The following ELFN1 variants were observed in gnomAD, a reference collection of about 807,000 sequenced individuals.
ELFN1 encodes protein ELFN1.
A neutral mutation model predicts 7.6 loss-of-function variants in ELFN1; 6 were observed. The observed-to-expected ratio is 0.79, with a 90% CI of 0.43 to 1.56. The LOEUF is 1.56. Among genes scored for constraint, ELFN1 ranks in the 40% most tolerant of loss-of-function variants. The probability of loss-of-function intolerance (pLI) is 0.01; values close to 1 mark genes in which losing one functional copy is unlikely to be tolerated. For synonymous variants in ELFN1, 657 were observed against 588.1 expected (o/e 1.12, Z -1.70); for missense variants, 1,169 against 1,232.2 (o/e 0.95, Z 0.77).
Position 1,740,305 on chromosome 7 carries a change from C to G in ELFN1, c.-293-3999C>G, listed in dbSNP as rs1463935284. 6.6e-6 allele frequency among the ~76,000 whole-genome samples: 1 copy of G among 152,192 alleles called. No individual in the cohort carries two copies. The highest frequency in any genetic ancestry group is 1.5e-5 in the Non-Finnish European group (1 of 68,032). On this transcript the variant is annotated intron_variant, in intron 3 of 3. Transcript: ENST00000424383. The surrounding 1 kb of genome is among the most constrained non-coding windows in gnomAD (Gnocchi z 5.0). ...CTCCCTGGGGCCTTGTGGTCCACGC[C>G]CATACGAGCCTCTGGGTCTGAGGCA...
Position 1,701,254 on chromosome 7 carries a change from C to T in ELFN1, c.-455-7837C>T, listed in dbSNP as rs538595640. Among the ~76,000 whole-genome samples the T allele has an allele frequency of 1.2e-3, 178 of 152,058 alleles. 1 individual carries two copies. In the Middle Eastern group the frequency reaches 0.017, roughly 15 times the overall value. On this transcript the variant is annotated intron_variant, in intron 2 of 3. Coordinates refer to ENST00000424383, the MANE Select transcript of ELFN1 (RefSeq NM_001128636.4). Reference sequence around the variant, plus strand: ...AGGCTGGAGTGCAGTGGTGGGATCACGGCTCACTGCACCCTTGACCTCCCT... The same window carrying T: ...AGGCTGGAGTGCAGTGGTGGGATCATGGCTCACTGCACCCTTGACCTCCCT...
chr7:1,742,472 G>A (rs1163496666), intron 3 of ELFN1, among the ~76,000 whole-genome samples: 1 of 152,268 alleles, frequency 6.6e-6, no homozygotes, highest in East Asian at 1.9e-4. Flanking sequence ...CAGGGATGGT[G>A]GGGAGGGATG....
intron 3 of ELFN1, among the ~76,000 whole-genome samples, chr7:1,742,004 G>A (rs1038911849): frequency 2.0e-5 from 3 of 152,100 alleles, no homozygotes; most frequent in Non-Finnish European, 4.4e-5. Context: ...ACATACGAGG[G>A]CTCACGTGTA....
chr7:1,740,392 T>C lies in ELFN1; in HGVS notation c.-293-3912T>C, dbSNP rs1040922860. Among the ~76,000 whole-genome samples, 12 of 152,254 alleles carry C rather than the reference T, an allele frequency of 7.9e-5. No homozygotes were observed. Among genetic ancestry groups the C allele is most frequent in the African/African-American group, 2.9e-4 (12 of 41,476 alleles). The stretch of plus-strand genomic sequence containing the variant: ...GGTCTGTGAAGGACAGTAACGCCCA[T>C]GCGGGGTCTCCGCACCTGCCCTCCG... On this transcript the variant is annotated intron_variant, in intron 3 of 3. Transcript: ENST00000424383. This position sits in a 1 kb window ranked among gnomAD's most constrained non-coding sequence, Gnocchi z 5.0.
intron 1 of ELFN1, among the ~76,000 whole-genome samples, chr7:1,671,172 C>A (rs1778759203): frequency 1.4e-5 from 1 of 71,668 alleles, no homozygotes; most frequent in Non-Finnish European, 3.3e-5. Context: ...CGCACACCGC[C>A]CCCCCCCCCA....
At chr7:1,684,879 G>A (rs1462485617) in intron 1 of ELFN1, among the ~76,000 whole-genome samples, 1 of 152,136 alleles carries the variant, frequency 6.6e-6, no homozygotes, top group Non-Finnish European at 1.5e-5. Flanking sequence ...GAAGTTAAGG[G>A]AAGGAAAGAG....
chr7:1,732,075 C>T (rs1780336486), intron 3 of ELFN1, among the ~76,000 whole-genome samples: 2 of 152,184 alleles, frequency 1.3e-5, no homozygotes, highest in African/African-American at 4.8e-5. Context: ...GCTTTCGGTG[C>T]AGAAGGTGGA....
intron 1 of ELFN1, among the ~76,000 whole-genome samples, chr7:1,681,351 A>G (rs1416790582): frequency 1.3e-5 from 2 of 152,110 alleles, no homozygotes; most frequent in Non-Finnish European, 2.9e-5. Flanking sequence ...TCATCTGGTC[A>G]GTTCATATTG....
intron 3 of ELFN1, among the ~76,000 whole-genome samples, chr7:1,736,351 G>A (rs1562385224): frequency 6.6e-6 from 1 of 152,066 alleles, no homozygotes; most frequent in Non-Finnish European, 1.5e-5. Flanking sequence ...CCTCAGTCCA[G>A]CCCCGGCCCC....
At chr7:1,679,979 C>T (rs868792486) in intron 1 of ELFN1, among the ~76,000 whole-genome samples, 1 of 152,266 alleles carries the variant, frequency 6.6e-6, no homozygotes, top group African/African-American at 2.4e-5. Context: ...GCGTGTGCCC[C>T]TGAGCGCTCC....
At chr7:1,685,857 TATATA>T in intron 1 of ELFN1, among the ~76,000 whole-genome samples, 1 of 147,938 alleles carries the variant, frequency 6.8e-6, no homozygotes, top group East Asian at 1.9e-4. Flanking sequence ...GTATTTATAT[TATATA>T]ATATATAAAC....
At position 1,723,421 on chromosome 7, in the gene ELFN1, TCTTGGAGAG is replaced by T. The variant is rs968662730; in HGVS notation, c.-294+14174_-294+14182del. 3.3e-5 allele frequency among the ~76,000 whole-genome samples: 5 copies of T among 152,326 alleles called. No individual in the cohort carries two copies. The East Asian group carries it at 5.8e-4, about 18-fold the overall frequency. Reference sequence around the variant, plus strand: ...GATATGGCGTGTGGTACAGCAGGTATCTTGGAGAGCTTGCTTGTTGGCTGGGAGGCGTAT... The same window carrying T: ...GATATGGCGTGTGGTACAGCAGGTATCTTGCTTGTTGGCTGGGAGGCGTAT... On this transcript the variant is annotated intron_variant, in intron 3 of 3. Coordinates refer to ENST00000424383, the MANE Select transcript of ELFN1 (RefSeq NM_001128636.4).
intron 1 of ELFN1, among the ~76,000 whole-genome samples, chr7:1,681,345 C>G (rs1323875544): frequency 1.3e-5 from 2 of 152,110 alleles, no homozygotes; most frequent in African/African-American, 2.4e-5. Flanking sequence ...GAGAGTTCAT[C>G]TGGTCAGTTC....
At chr7:1,669,997 G>T (rs1172767574), upstream of ELFN1, among the ~76,000 whole-genome samples, 2 of 151,786 alleles carry the variant, frequency 1.3e-5, no homozygotes, top group African/African-American at 2.4e-5. Flanking sequence ...CCGGGAGAGG[G>T]AAGGAGCGGG....
In ELFN1 at chr7:1,744,406, C is replaced by T. The variant is rs1358574477; in HGVS notation, c.-191C>T. On this transcript the variant is annotated 5_prime_UTR_variant, in exon 4 of 4. Coordinates refer to ENST00000424383, the MANE Select transcript of ELFN1 (RefSeq NM_001128636.4). Reference sequence around the variant, plus strand: ...CAGGACTGGGGCGGAAGACGAGAGGCGGCCGGCCGTGAGGGAGGCGCCCTC... The same window carrying T: ...CAGGACTGGGGCGGAAGACGAGAGGTGGCCGGCCGTGAGGGAGGCGCCCTC... The T allele has an allele frequency of 2.0e-5, 12 of 604,662 alleles. No individual in the cohort carries two copies. The highest frequency in any genetic ancestry group is 6.4e-5 in the East Asian group (2 of 31,202). The allele number at this position is 604,662 out of a possible 1,614,324, so 37.5% of individuals were successfully genotyped here.
intron 1 of ELFN1, among the ~76,000 whole-genome samples, chr7:1,685,296 G>A (rs186167549): frequency 4.0e-4 from 61 of 152,198 alleles, no homozygotes; most frequent in African/African-American, 1.4e-3. Flanking sequence ...TTTTTCTTGT[G>A]TTCATCTTAT....
intron 2 of ELFN1, among the ~76,000 whole-genome samples, chr7:1,708,058 C>T (rs943788422): frequency 1.3e-5 from 2 of 152,194 alleles, no homozygotes; most frequent in Non-Finnish European, 2.9e-5. Context: ...ACCTAGAACC[C>T]CCCTTTGTCT....
Position 1,673,087 on chromosome 7 carries a change from C to CA in ELFN1, c.-549+2733_-549+2734insA, listed in dbSNP as rs1358196538. On this transcript the variant is annotated intron_variant, in intron 1 of 3. Coordinates refer to ENST00000424383, the MANE Select transcript of ELFN1 (RefSeq NM_001128636.4). This position sits in a 1 kb window ranked among gnomAD's most constrained non-coding sequence, Gnocchi z 4.7. Reference sequence around the variant, plus strand: ...GATACATTTGTCATCTCTCCAGCGCCCCCCCCCGCTCTTTCCTTTTTGTTT... The same window carrying CA: ...GATACATTTGTCATCTCTCCAGCGCCACCCCCCCGCTCTTTCCTTTTTGTTT... Among the ~76,000 whole-genome samples the CA allele has an allele frequency of 4.3e-5, 4 of 92,032 alleles. No individual in the cohort carries two copies. Among genetic ancestry groups the CA allele is most frequent in the African/African-American group, 2.9e-4 (3 of 10,392 alleles). The allele number at this position is 92,032 out of a possible 152,430, so 60.4% of individuals were successfully genotyped here. A position where few individuals can be genotyped will look rare whatever the true frequency, so the allele number is the denominator to read the frequency against.
intron 3 of ELFN1, among the ~76,000 whole-genome samples, chr7:1,709,768 A>AAT (rs1779612478): frequency 1.3e-5 from 2 of 152,256 alleles, no homozygotes; most frequent in Admixed American, 1.3e-4. Flanking sequence ...TGCCTAGGTG[A>AAT]ATAGGCAGGT....
Sources: allele counts gnomAD v4.1 joint callset (sites outside exome capture counted in the v4.1 genomes callset), GRCh38; gene constraint gnomAD v4.1.1; non-coding constraint Gnocchi (gnomAD v3.1); transcripts MANE v1.5; gene names NCBI Gene and HGNC (gene_info 2026-07-23, HGNC 2026-07-21).